ART1: variants seen among roughly 807,000 people sequenced by gnomAD.
ART1 encodes GPI-linked NAD(P)(+)--arginine ADP-ribosyltransferase 1.
In ART1, 29 loss-of-function variants were observed where a neutral mutation model predicts 27.0. That is an observed-to-expected ratio of 1.08 (90% CI 0.80 to 1.47). ART1 has a LOEUF of 1.47. Among genes scored for constraint, ART1 ranks in the 40% most tolerant of loss-of-function variants. ART1 has a pLI of 0.00. For synonymous variants in ART1, 201 were observed against 172.2 expected (o/e 1.17, Z -1.31); for missense variants, 480 against 423.0 (o/e 1.13, Z -1.18).
At position 3,652,814 on chromosome 11, in the gene ART1, C is replaced by T. The variant is rs942327971; in HGVS notation, c.-52-6348C>T. Among the ~76,000 whole-genome samples the T allele has an allele frequency of 6.0e-5, 9 of 151,224 alleles. No homozygotes were observed. In the East Asian group the frequency reaches 1.5e-3, roughly 26 times the overall value. On this transcript the variant is annotated intron_variant, in intron 1 of 4. Transcript: ENST00000250693. The stretch of plus-strand genomic sequence containing the variant: ...TCCTGGTGCTATCCCCAAACTGCCA[C>T]TCTAAACTCTTGAAGTAAATAAATA...
rs890749390 is a variant in ART1 at position 3,655,972 on chromosome 11, G to T, written c.-52-3190G>T. 4.8e-5 allele frequency among the ~76,000 whole-genome samples: 6 copies of T among 123,986 alleles called. No individual in the cohort carries two copies. The Admixed American group carries it at 7.0e-4, about 14-fold the overall frequency. 81.3% of individuals were successfully genotyped at this position (123,986 alleles called of 152,430 possible). On this transcript the variant is annotated intron_variant, in intron 1 of 4. Transcript: ENST00000250693. ...TTTGAGACAGAGTTTCACTCTTGTC[G>T]CCCAGGCTAGAGAGCAATGGTGCGA...
intron 1 of ART1, among the ~76,000 whole-genome samples, chr11:3,652,865 A>G (rs565510370): frequency 6.7e-6 from 1 of 150,294 alleles, no homozygotes; most frequent in Non-Finnish European, 1.5e-5. Flanking sequence ...ACTATGTTGA[A>G]TCTCCTTAGG....
chr11:3,659,784 C>G lies in ART1; in HGVS notation c.265C>G (p.Arg89Gly). The stretch of plus-strand genomic sequence containing the variant: ...ACTGGCAAGCAGCCAATGGCAGGAG[C>G]GTCAGGCCAGGTGGCCAGAGTGGAG... Reference protein sequence around the residue: ...WTLASSQWQERQARWPEWSLS... With the variant: ...WTLASSQWQEGQARWPEWSLS... The change falls in exon 3 of 5, where the codon CGT (arginine) becomes GGT (glycine). Residue 89 changes from arginine (R) to glycine (G), a missense_variant. Transcript: ENST00000250693. The G allele has an allele frequency of 6.2e-7, 1 of 1,613,232 alleles. No homozygotes were observed. Among genetic ancestry groups the G allele is most frequent in the Non-Finnish European group, 8.5e-7 (1 of 1,179,754 alleles).
chr11:3,659,895 C>T lies in ART1; in HGVS notation c.376C>T (p.Pro126Ser). The change falls in exon 3 of 5, where the codon CCC becomes TCC. Residue 126 changes from proline to serine, a missense_variant. Coordinates refer to ENST00000250693, the MANE Select transcript of ART1 (RefSeq NM_004314.3). ...VALLAYTANSPLHKEFNAAVR... is the reference protein window; with the variant it reads ...VALLAYTANSSLHKEFNAAVR... Reference sequence around the variant, plus strand: ...CCTCCTGGCCTACACAGCCAACAGCCCCCTGCACAAGGAGTTCAATGCAGC... The same window carrying T: ...CCTCCTGGCCTACACAGCCAACAGCTCCCTGCACAAGGAGTTCAATGCAGC... 2 of 1,612,970 alleles carry T rather than the reference C, an allele frequency of 1.2e-6. No homozygotes were observed. The highest frequency in any genetic ancestry group is 1.7e-6 in the Non-Finnish European group (2 of 1,179,550).
Position 3,663,086 on chromosome 11 carries a change from C to CA in ART1, c.887-1006_887-1005insA, listed in dbSNP as rs1564787009. ...ATCTCATCTCATCTCATCATCTCAT[C>CA]TCATCATCTCATCTCATCTCATCTC... On this transcript the variant is annotated intron_variant, in intron 4 of 4. Transcript: ENST00000250693. 6.7e-3 allele frequency among the ~76,000 whole-genome samples: 453 copies of CA among 67,556 alleles called. 1 individual carries two copies. The highest frequency in any genetic ancestry group is 0.012 in the East Asian group (25 of 2,124). The allele number at this position is 67,556 out of a possible 152,430, so 44.3% of individuals were successfully genotyped here. A position where few individuals can be genotyped will look rare whatever the true frequency, so the allele number is the denominator to read the frequency against.
At position 3,659,234 on chromosome 11, in the gene ART1, G is replaced by A; in HGVS notation, c.21G>A (p.Met7Ile). Residue 7 changes from methionine to isoleucine, a missense_variant, in exon 2 of 5, where the codon ATG becomes ATA. Transcript: ENST00000250693. The stretch of plus-strand genomic sequence containing the variant: ...CCAGCATGCAGATGCCTGCTATGAT[G>A]TCTCTGCTTCTTGTGTCTGTGGGCC... MQMPAM[M>I]SLLLVSVGLM... is the part of the protein sequence containing the mutation. 2 of 1,614,224 alleles carry A rather than the reference G, an allele frequency of 1.2e-6. No homozygotes were observed. The highest frequency in any genetic ancestry group is 8.5e-7 in the Non-Finnish European group (1 of 1,180,044).
Position 3,659,994 on chromosome 11 carries a change from A to C in ART1, c.475A>C (p.Thr159Pro). ...FSFKTLHFLL[T>P]EALQLLGSGQ... ...CTTCAAGACACTCCATTTCCTGCTG[A>C]CTGAGGCCCTGCAGCTCCTGGGCAG... Residue 159 changes from threonine (T) to proline (P), a missense_variant, in exon 3 of 5, where the codon ACT becomes CCT. Physicochemically the swap from Thr to Pro is conservative, Grantham distance 38. Coordinates refer to ENST00000250693, the MANE Select transcript of ART1 (RefSeq NM_004314.3). 6.2e-7 allele frequency: 1 copy of C among 1,613,986 alleles called. No homozygotes were observed. The highest frequency in any genetic ancestry group is 8.5e-7 in the Non-Finnish European group (1 of 1,179,948).
In ART1 at chr11:3,660,366, A is replaced by C; in HGVS notation, c.844+3A>C. 4 of 1,596,208 alleles carry C rather than the reference A, an allele frequency of 2.5e-6. No homozygotes were observed. The Admixed American group carries it at 5.0e-5, about 20-fold the overall frequency. On this transcript the variant is annotated splice_donor_region_variant and intron_variant, in intron 3 of 4. Transcript: ENST00000250693. ...CTACAACTGCGAGTACATCAAAGGT[A>C]GGAGGGCAAGCGCTGGTCGGCACCT...
intron 1 of ART1, among the ~76,000 whole-genome samples, chr11:3,649,487 C>T (rs975836660): frequency 2.6e-5 from 4 of 152,136 alleles, no homozygotes; most frequent in East Asian, 1.9e-4. Flanking sequence ...CTTTCCCTCC[C>T]GCCTGTCCCC....
Position 3,660,322 on chromosome 11 carries a change from C to T in ART1, c.803C>T (p.Ala268Val), listed in dbSNP as rs201158047. The T allele has an allele frequency of 1.9e-6, 3 of 1,606,396 alleles. No homozygotes were observed. Among genetic ancestry groups the T allele is most frequent in the East Asian group, 2.2e-5 (1 of 44,874 alleles). The part of the protein sequence containing the change: ...AQGPARIYLR[A>V]LGKHSTYNCE... ...GGCCCCGCCCGCATCTACCTCCGAGCCCTGGGCAAGCACAGCACCTACAAC... is the reference window on the plus strand; with the variant it reads ...GGCCCCGCCCGCATCTACCTCCGAGTCCTGGGCAAGCACAGCACCTACAAC... The change falls in exon 3 of 5, where the codon GCC becomes GTC. Residue 268 changes from alanine (A) to valine (V), a missense_variant. By Grantham distance (64) the Ala-to-Val change is moderately conservative. Coordinates refer to ENST00000250693, the MANE Select transcript of ART1 (RefSeq NM_004314.3).
At chr11:3,653,284 C>T (rs1345083362) in intron 1 of ART1, among the ~76,000 whole-genome samples, 1 of 148,800 alleles carries the variant, frequency 6.7e-6, no homozygotes, top group Non-Finnish European at 1.5e-5. Context: ...TGCACATACA[C>T]ATCCAGATGG....
chr11:3,647,558 C>T (rs550446028), intron 1 of ART1, among the ~76,000 whole-genome samples: 3 of 151,854 alleles, frequency 2.0e-5, no homozygotes, highest in South Asian at 2.1e-4. Flanking sequence ...CACTTGAACC[C>T]GGGAGGTAGA....
chr11:3,647,304 G>A (rs112746730), intron 1 of ART1, among the ~76,000 whole-genome samples: 4,942 of 130,744 alleles, frequency 0.038, 125 homozygotes, highest in South Asian at 0.15. Context: ...CCTGGGCAAC[G>A]AGCAAAACTC....
rs1477401192 is a variant in ART1, at chr11:3,664,147, C to A, written c.942C>A (p.Phe314Leu). 1 of 1,614,062 alleles carries A rather than the reference C, an allele frequency of 6.2e-7. No homozygotes were observed. Among genetic ancestry groups the A allele is most frequent in the Admixed American group, 1.7e-5 (1 of 60,010 alleles). Residue 314 changes from phenylalanine to leucine, a missense_variant, in exon 5 of 5, where the codon TTC (phenylalanine) becomes TTA (leucine). Physicochemically the swap from Phe to Leu is conservative, Grantham distance 22. Transcript: ENST00000250693. ...GGTCTTTGCTGCTGCTGCTCTGGTT[C>A]CTCGTGGTGAGGGCCTTTCCAGATG... ...AVWSLLLLLW[F>L]LVVRAFPDGP...
intron 1 of ART1, among the ~76,000 whole-genome samples, chr11:3,653,652 A>G (rs544072289): frequency 6.6e-6 from 1 of 151,968 alleles, no homozygotes; most frequent in Non-Finnish European, 1.5e-5. Flanking sequence ...GGAGCTTCGT[A>G]TTTTTTTTAA....
At position 3,652,417 on chromosome 11, in the gene ART1, C is replaced by T. The variant is rs186963680; in HGVS notation, c.-52-6745C>T. ...TTCAGTGAAACCTTTATATCCCTTA[C>T]GGTCCTCTGTCTTCAGGAAAAGTAG... is the stretch of plus-strand genomic sequence containing the variant. On this transcript the variant is annotated intron_variant, in intron 1 of 4. Transcript: ENST00000250693. 2.2e-3 allele frequency among the ~76,000 whole-genome samples: 323 copies of T among 146,598 alleles called. 1 individual carries two copies. Among genetic ancestry groups the T allele is most frequent in the African/African-American group, 8.0e-3 (296 of 37,122 alleles).
intron 1 of ART1, among the ~76,000 whole-genome samples, chr11:3,652,937 CCTT>C (rs1000579759): frequency 6.7e-5 from 10 of 149,076 alleles, no homozygotes; most frequent in Middle Eastern, 3.4e-3. Flanking sequence ...CTGTTTTTCT[CCTT>C]CTCTTATTCC....
At chr11:3,657,890 A>G (rs557820880) in intron 1 of ART1, among the ~76,000 whole-genome samples, 35 of 152,330 alleles carry the variant, frequency 2.3e-4, no homozygotes, top group African/African-American at 7.7e-4. Flanking sequence ...ATGGTTAATT[A>G]TGGTTTATAC....
At chr11:3,652,201 C>A (rs2077528791) in intron 1 of ART1, among the ~76,000 whole-genome samples, 1 of 150,900 alleles carries the variant, frequency 6.6e-6, no homozygotes, top group Non-Finnish European at 1.5e-5. Flanking sequence ...TAAAATACCT[C>A]TTAGTCTAGG....
Sources: allele counts gnomAD v4.1 joint callset (sites outside exome capture counted in the v4.1 genomes callset), GRCh38; gene constraint gnomAD v4.1.1; transcripts MANE v1.5; gene names NCBI Gene and HGNC (gene_info 2026-07-23, HGNC 2026-07-21).